UBXN2B: variants seen among roughly 807,000 people sequenced by gnomAD.
UBXN2B encodes the protein UBX domain-containing protein 2B.
A neutral mutation model predicts 37.5 loss-of-function variants in UBXN2B; 19 were observed. The observed-to-expected ratio is 0.51, with a 90% CI of 0.35 to 0.74. UBXN2B has a LOEUF of 0.74. Among genes scored for constraint, UBXN2B ranks in the 30% least tolerant of loss-of-function variants. The pLI, the probability that UBXN2B is intolerant of heterozygous loss-of-function variation, is 0.01. For missense variants in UBXN2B, 370 were observed against 393.2 expected, an observed-to-expected ratio of 0.94 and a Z score of 0.50; for synonymous variants, 145 against 143.8, an observed-to-expected ratio of 1.01 and a Z score of -0.06.
intron 1 of UBXN2B, 84 bp downstream of exon 1, chr8:58,411,553 C>G (rs1191158614): frequency 3.6e-6 from 4 of 1,100,692 alleles, no homozygotes; most frequent in Admixed American, 4.3e-5. Flanking sequence ...GAGGCCACCT[C>G]TGGCCTCGGC....
At chr8:58,422,497 A>G (rs891257608) in intron 2 of UBXN2B, among the ~76,000 whole-genome samples, 18 of 152,276 alleles carry the variant, frequency 1.2e-4, no homozygotes, top group African/African-American at 4.3e-4. Context: ...CGATGATTCA[A>G]CATATAAGGC....
In UBXN2B at chr8:58,430,681, A is replaced by G. The variant is rs552740850; in HGVS notation, c.339+12A>G. The stretch of plus-strand genomic sequence containing the variant: ...ATGATAAATCTAAGGTCAGTGCTCA[A>G]TTTTAAACTAAATACATTGTTTCTA... On this transcript the variant is annotated intron_variant, in intron 3 of 7. Transcript: ENST00000399598. 8 of 1,468,064 alleles carry G rather than the reference A, an allele frequency of 5.4e-6. No homozygotes were observed. The African/African-American group carries it at 7.1e-5, about 13-fold the overall frequency. The allele number at this position is 1,468,064 out of a possible 1,614,324, so 90.9% of individuals were successfully genotyped here.
chr8:58,434,939 A>G, intron 5 of UBXN2B: 1 of 1,535,616 alleles, frequency 6.5e-7, no homozygotes, highest in African/African-American at 1.4e-5. Context: ...CTGGCAGAAG[A>G]TTTCAAAAGG....
chr8:58,414,964 T>C (rs1460296256), intron 1 of UBXN2B, among the ~76,000 whole-genome samples: 1 of 152,154 alleles, frequency 6.6e-6, no homozygotes, highest in Non-Finnish European at 1.5e-5. Flanking sequence ...TTAACAAATA[T>C]AACCCCAATT....
At chr8:58,411,610 C>G in intron 1 of UBXN2B, 141 bp downstream of exon 1, 1 of 632,422 alleles carries the variant, frequency 1.6e-6, no homozygotes, top group Non-Finnish European at 2.3e-6. Flanking sequence ...GGCGCCCGGT[C>G]TCCCGATGTC....
rs1808789995 is a variant in UBXN2B at position 58,451,047 on chromosome 8, C to T, written c.*3496C>T. On this transcript the variant is annotated 3_prime_UTR_variant, in exon 8 of 8. Transcript: ENST00000399598. Reference sequence around the variant, plus strand: ...CTTTTTCATGGGTCAAAATCATCTTCCGAAGAAAATGATTTCTTAAAAGAA... The same window carrying T: ...CTTTTTCATGGGTCAAAATCATCTTTCGAAGAAAATGATTTCTTAAAAGAA... 6.6e-6 allele frequency: 1 copy of T among 152,566 alleles called. No homozygotes were observed. The highest frequency in any genetic ancestry group is 1.5e-5 in the Non-Finnish European group (1 of 68,022). 9.5% of individuals were successfully genotyped at this position (152,566 alleles called of 1,614,324 possible). A position where few individuals can be genotyped will look rare whatever the true frequency, so the allele number is the denominator to read the frequency against.
At chr8:58,425,047 A>G (rs1350700237) in intron 2 of UBXN2B, 2 of 782,174 alleles carry the variant, frequency 2.6e-6, no homozygotes, top group Non-Finnish European at 4.7e-6. Flanking sequence ...CTTATGGTGC[A>G]CCTCCTCCAG....
At chr8:58,426,190 AG>A in intron 2 of UBXN2B, 1 of 659,918 alleles carries the variant, frequency 1.5e-6, no homozygotes, top group East Asian at 2.8e-5. Context: ...AGTAATCACC[AG>A]TGTTCTGAAT....
At position 58,439,788 on chromosome 8, in the gene UBXN2B, A is replaced by G. The variant is rs761132846; in HGVS notation, c.671+18A>G. The G allele has an allele frequency of 3.2e-6, 5 of 1,581,792 alleles. No individual in the cohort carries two copies. Among genetic ancestry groups the G allele is most frequent in the Non-Finnish European group, 3.4e-6 (4 of 1,170,016 alleles). ...CTTGGAAGGTAAAAATCCTAAAATG[A>G]GAAAAATACCTTTGTTGAACATGAA... On this transcript the variant is annotated intron_variant, in intron 6 of 7. Coordinates refer to ENST00000399598, the MANE Select transcript of UBXN2B (RefSeq NM_001077619.2).
chr8:58,440,915 A>G (rs1808521505), intron 6 of UBXN2B, among the ~76,000 whole-genome samples: 1 of 152,126 alleles, frequency 6.6e-6, no homozygotes, highest in Non-Finnish European at 1.5e-5. Context: ...TTAGGACACA[A>G]ACTCTTTAAT....
At chr8:58,415,371 G>A (rs894980181) in intron 1 of UBXN2B, among the ~76,000 whole-genome samples, 7 of 151,978 alleles carry the variant, frequency 4.6e-5, no homozygotes, top group African/African-American at 1.2e-4. Flanking sequence ...AAATTTCAGG[G>A]AGGTAAAATT....
rs1808760831 is a variant in UBXN2B, at chr8:58,449,664, T to G, written c.*2113T>G. On this transcript the variant is annotated 3_prime_UTR_variant, in exon 8 of 8. Coordinates refer to ENST00000399598, the MANE Select transcript of UBXN2B (RefSeq NM_001077619.2). ...AAAGGAGCCATCAGCACCAATCAAT[T>G]TACAAAACCAGCGAGGCACCCTTCT... The G allele has an allele frequency of 6.6e-6, 1 of 152,184 alleles. No individual in the cohort carries two copies. Among genetic ancestry groups the G allele is most frequent in the Admixed American group, 6.5e-5 (1 of 15,282 alleles). The allele number at this position is 152,184 out of a possible 1,614,324, so 9.4% of individuals were successfully genotyped here. A position where few individuals can be genotyped will look rare whatever the true frequency, so the allele number is the denominator to read the frequency against.
intron 4 of UBXN2B, among the ~76,000 whole-genome samples, 177 bp downstream of exon 4, chr8:58,433,420 AT>A (rs1808333987): frequency 6.6e-6 from 1 of 152,184 alleles, no homozygotes; most frequent in African/African-American, 2.4e-5. Flanking sequence ...TTGTATCACA[AT>A]TATGCCTTGC....
chr8:58,443,317 T>A (rs939680448), intron 6 of UBXN2B, among the ~76,000 whole-genome samples: 3 of 152,204 alleles, frequency 2.0e-5, no homozygotes, highest in Non-Finnish European at 4.4e-5. Flanking sequence ...TCTGAGGGAA[T>A]TACAACCTAC....
At position 58,417,083 on chromosome 8, in the gene UBXN2B, C is replaced by T. The variant is rs1045382926; in HGVS notation, c.188+130C>T. 5.7e-5 allele frequency: 38 copies of T among 671,772 alleles called. No individual in the cohort carries two copies. The Admixed American group carries it at 7.7e-4, about 14-fold the overall frequency. The allele number at this position is 671,772 out of a possible 1,614,324, so 41.6% of individuals were successfully genotyped here. A position where few individuals can be genotyped will look rare whatever the true frequency, so the allele number is the denominator to read the frequency against. On this transcript the variant is annotated intron_variant, in intron 2 of 7. Coordinates refer to ENST00000399598, the MANE Select transcript of UBXN2B (RefSeq NM_001077619.2). ...TTTTTAAAAATTATTATTCCAAGAT[C>T]GAGGCAGATTTGGATAAAAAATAGA...
chr8:58,436,958 C>G (rs967991921), intron 5 of UBXN2B, among the ~76,000 whole-genome samples: 1 of 152,074 alleles, frequency 6.6e-6, no homozygotes, highest in East Asian at 1.9e-4. Flanking sequence ...AAATTGGTAC[C>G]AAGGAGTAGG....
chr8:58,448,934 G>T lies in UBXN2B; in HGVS notation c.*1383G>T, dbSNP rs1808745713. ...TTCGCGGTGCCAAGATCAATTTGTT[G>T]GCAGGGTTGCATTCTGTTAGGAGGC... is the stretch of plus-strand genomic sequence containing the variant. On this transcript the variant is annotated 3_prime_UTR_variant, in exon 8 of 8. Transcript: ENST00000399598. The T allele has an allele frequency of 6.6e-6, 1 of 152,158 alleles. No homozygotes were observed. Among genetic ancestry groups the T allele is most frequent in the African/African-American group, 2.4e-5 (1 of 41,436 alleles). 9.4% of individuals were successfully genotyped at this position (152,158 alleles called of 1,614,324 possible).
intron 2 of UBXN2B, chr8:58,425,830 G>A (rs1030258961): frequency 3.1e-5 from 36 of 1,171,496 alleles, no homozygotes; most frequent in Non-Finnish European, 4.4e-5. Flanking sequence ...CACCAACATC[G>A]TATTTCAGTT....
intron 2 of UBXN2B, 86 bp from the exon 3 acceptor site, chr8:58,430,433 T>A (rs775791801): frequency 7.7e-4 from 764 of 991,440 alleles, no homozygotes; most frequent in Non-Finnish European, 9.8e-4. Context: ...AATAAAATAC[T>A]TTTATTTTCA....
Sources: allele counts gnomAD v4.1 joint callset (sites outside exome capture counted in the v4.1 genomes callset), GRCh38; gene constraint gnomAD v4.1.1; transcripts MANE v1.5; gene names NCBI Gene and HGNC (gene_info 2026-07-23, HGNC 2026-07-21).